The following COL6A6 variants were observed in gnomAD, a reference collection of about 807,000 sequenced individuals.
The protein encoded by COL6A6 is collagen type VI alpha 6 chain.
In COL6A6, 183 loss-of-function variants were observed where a neutral mutation model predicts 208.6. That is an observed-to-expected ratio of 0.88 (90% CI 0.78 to 0.99). The LOEUF is 0.99. Among genes scored for constraint, COL6A6 ranks in the 50% least tolerant of loss-of-function variants. The probability of loss-of-function intolerance (pLI) is 0.00; values close to 1 mark genes in which losing one functional copy is unlikely to be tolerated. For synonymous variants in COL6A6, 973 were observed against 1,011.8 expected (o/e 0.96, Z 0.73); for missense variants, 2,816 against 2,815.2 (o/e 1.00, Z -0.01).
chr3:130,595,398 A>G (rs2063825395), intron 18 of COL6A6, among the ~76,000 whole-genome samples: 1 of 152,210 alleles, frequency 6.6e-6, no homozygotes, highest in African/African-American at 2.4e-5. Context: ...ATGTGAATAC[A>G]CCTGTGTAGT....
chr3:130,563,001 T>G (rs2062927956), intron 2 of COL6A6, 67 bp from the exon 3 acceptor site: 1 of 1,126,254 alleles, frequency 8.9e-7, no homozygotes, highest in African/African-American at 1.6e-5. Context: ...CGCCATAGAG[T>G]TGGCATTAAA....
At chr3:130,617,907 T>G (rs553844708) in intron 23 of COL6A6, among the ~76,000 whole-genome samples, 16 of 152,310 alleles carry the variant, frequency 1.1e-4, no homozygotes, top group Admixed American at 6.5e-4. Flanking sequence ...TCTCTTCTGA[T>G]AAGGTGCTAA....
chr3:130,662,370 G>C, intron 35 of COL6A6, 62 bp downstream of exon 35: 1 of 1,480,802 alleles, frequency 6.8e-7, no homozygotes, highest in Non-Finnish European at 9.1e-7. Context: ...ACTAAAAAAA[G>C]GTTGATGAGC....
intron 11 of COL6A6, among the ~76,000 whole-genome samples, chr3:130,587,526 T>C (rs931238533): frequency 1.3e-5 from 2 of 152,238 alleles, no homozygotes; most frequent in Admixed American, 6.5e-5. Flanking sequence ...ACCTAATGCC[T>C]GTATAAGATG....
chr3:130,644,932 T>TA (rs2065424776), intron 31 of COL6A6, 59 bp from the exon 32 acceptor site: 1 of 1,530,994 alleles, frequency 6.5e-7, no homozygotes, highest in Non-Finnish European at 9.1e-7. Context: ...TCCTGCACGA[T>TA]ACAGAACTCT....
intron 34 of COL6A6, among the ~76,000 whole-genome samples, chr3:130,661,375 A>T (rs1406596897): frequency 6.6e-6 from 1 of 152,212 alleles, no homozygotes; most frequent in East Asian, 1.9e-4. Flanking sequence ...AGCCAAGATT[A>T]AACTTCTGTT....
At position 130,574,161 on chromosome 3, in the gene COL6A6, A is replaced by G; in HGVS notation, c.3183A>G (p.Lys1061=). ...EFPLGTFIGE[K]EISFQIENIK... ...CACTGGGAACTTTCATAGGTGAAAA[A>G]GAGATATCATTTCAGATTGAAAACA... Residue 1061 remains lysine (K), a synonymous_variant, in exon 8 of 37, where the codon AAA becomes AAG. Transcript: ENST00000358511. The G allele has an allele frequency of 6.2e-7, 1 of 1,614,014 alleles. No homozygotes were observed. The highest frequency in any genetic ancestry group is 8.5e-7 in the Non-Finnish European group (1 of 1,179,884).
In COL6A6 at chr3:130,652,904, G is replaced by A. The variant is rs140591201; in HGVS notation, c.5733+3342G>A. Among the ~76,000 whole-genome samples the A allele has an allele frequency of 2.6e-3, 402 of 152,172 alleles. 1 individual carries two copies. Among genetic ancestry groups the A allele is most frequent in the African/African-American group, 9.3e-3 (385 of 41,512 alleles). ...GTTAAGTAGTCCATCATGAAATTTG[G>A]TACCTGTGCAGCCATGTGTGTTGGG... On this transcript the variant is annotated intron_variant, in intron 33 of 36. Transcript: ENST00000358511.
chr3:130,600,029 GGA>G (rs2063966814), intron 20 of COL6A6, among the ~76,000 whole-genome samples: 1 of 152,184 alleles, frequency 6.6e-6, no homozygotes, highest in African/African-American at 2.4e-5. Flanking sequence ...TCGCCAGTCA[GGA>G]GAGAGAGCTG....
chr3:130,653,377 A>G (rs1312127124), intron 33 of COL6A6, among the ~76,000 whole-genome samples: 1 of 152,196 alleles, frequency 6.6e-6, no homozygotes, highest in African/African-American at 2.4e-5. Flanking sequence ...TTCTCATGGA[A>G]AACAAGAATT....
intron 24 of COL6A6, among the ~76,000 whole-genome samples, chr3:130,622,782 G>A (rs767320076): frequency 2.0e-5 from 3 of 152,058 alleles, no homozygotes; most frequent in African/African-American, 2.4e-5. Context: ...GTGTGAATCC[G>A]GGAGGCAGAG....
At chr3:130,639,526 C>G (rs1477883725) in intron 28 of COL6A6, among the ~76,000 whole-genome samples, 2 of 152,038 alleles carry the variant, frequency 1.3e-5, no homozygotes, top group African/African-American at 4.8e-5. Context: ...AACCCCATCT[C>G]TACAAAAAAT....
chr3:130,619,794 T>C (rs1321653544), intron 23 of COL6A6, among the ~76,000 whole-genome samples: 1 of 152,074 alleles, frequency 6.6e-6, no homozygotes, highest in African/African-American at 2.4e-5. Context: ...CTAGGATAAT[T>C]CTCAGGTTTC....
At chr3:130,607,296 A>G (rs1487451700) in intron 21 of COL6A6, among the ~76,000 whole-genome samples, 1 of 152,238 alleles carries the variant, frequency 6.6e-6, no homozygotes, top group Admixed American at 6.5e-5. Context: ...GAATCTTACA[A>G]TTATAAAAAA....
At chr3:130,623,423 C>T (rs1005561980) in intron 24 of COL6A6, among the ~76,000 whole-genome samples, 26 of 152,224 alleles carry the variant, frequency 1.7e-4, no homozygotes, top group Non-Finnish European at 1.5e-5. Flanking sequence ...CCTGCCACTG[C>T]ACTCCAGCCT....
intron 23 of COL6A6, among the ~76,000 whole-genome samples, chr3:130,615,985 A>T (rs2064506547): frequency 6.6e-6 from 1 of 152,022 alleles, no homozygotes; most frequent in Non-Finnish European, 1.5e-5. Flanking sequence ...TACGTCTACC[A>T]TTTTTCTGAC....
chr3:130,528,168 C>T (rs149687205), intron 1 of COL6A6, among the ~76,000 whole-genome samples: 1 of 152,216 alleles, frequency 6.6e-6, no homozygotes, highest in African/African-American at 2.4e-5. Context: ...GAAAGGACCT[C>T]CTTGAGGCAG....
Position 130,563,002 on chromosome 3 carries a change from TG to T in COL6A6, c.65-64del, listed in dbSNP as rs1323451780. The T allele has an allele frequency of 6.2e-6, 7 of 1,137,274 alleles. No homozygotes were observed. In the Admixed American group the frequency reaches 1.1e-4, roughly 18 times the overall value. The allele number at this position is 1,137,274 out of a possible 1,614,324, so 70.4% of individuals were successfully genotyped here. A position where few individuals can be genotyped will look rare whatever the true frequency, so the allele number is the denominator to read the frequency against. The stretch of plus-strand genomic sequence containing the variant: ...GGAAAGTACTTCCCCGCCATAGAGT[TG>T]GCATTAAATATGGCAGTAAATTTTT... On this transcript the variant is annotated intron_variant, in intron 2 of 36. Transcript: ENST00000358511.
chr3:130,536,110 A>T (rs1010600428), intron 1 of COL6A6, among the ~76,000 whole-genome samples: 8 of 152,116 alleles, frequency 5.3e-5, no homozygotes, highest in African/African-American at 7.2e-5. Flanking sequence ...GCTCTTGTAA[A>T]CTCTGCTATA....
Sources: gnomAD v4.1 joint callset for allele counts (sites outside exome capture counted in the v4.1 genomes callset) on GRCh38, gnomAD v4.1.1 for gene constraint, MANE v1.5 for transcripts, NCBI Gene and HGNC (gene_info 2026-07-23, HGNC 2026-07-21) for gene names.